Variants in RNF216 observed in about 807,000 individuals in gnomAD.
RNF216 encodes ring finger protein 216.
A neutral mutation model predicts 110.8 loss-of-function variants in RNF216; 72 were observed. The observed-to-expected ratio is 0.65, with a 90% confidence interval of 0.54 to 0.79. The LOEUF is 0.79. Among genes scored for constraint, RNF216 ranks in the 30% least tolerant of loss-of-function variants. The pLI is 0.00. For synonymous variants in RNF216, 495 were observed against 407.5 expected (o/e 1.21, Z -2.59); for missense variants, 1,342 against 1,141.2 (o/e 1.18, Z -2.54).
In RNF216 at chr7:5,741,589, G is replaced by A. The variant is rs1359947044; in HGVS notation, c.428C>T (p.Ser143Phe). The A allele has an allele frequency of 6.2e-7, 1 of 1,614,144 alleles. No homozygotes were observed. Among genetic ancestry groups the A allele is most frequent in the East Asian group, 2.2e-5 (1 of 44,870 alleles). The change falls in exon 4 of 17, where the codon TCT becomes TTT. Residue 143 changes from serine to phenylalanine, a missense_variant. Transcript: ENST00000389902. ...EFLDLGPPGISEFTKPSGQTE... is the reference protein window; with the variant it reads ...EFLDLGPPGIFEFTKPSGQTE... ...TTGGCCACTTGGCTTAGTGAATTCA[G>A]AGATTCCAGGAGGCCCAAGATCCAG...
At chr7:5,766,880 G>C (rs931862478) in intron 1 of RNF216, 8 of 152,230 alleles carry the variant, frequency 5.3e-5, no homozygotes, top group African/African-American at 1.9e-4. Flanking sequence ...TGTATGTTTA[G>C]AGACTGATAT....
At chr7:5,768,941 A>T (rs1391852782) in intron 1 of RNF216, among the ~76,000 whole-genome samples, 3 of 151,988 alleles carry the variant, frequency 2.0e-5, no homozygotes, top group Non-Finnish European at 2.9e-5. Flanking sequence ...GATTACAGGC[A>T]TGAGCCACTG....
In RNF216 at chr7:5,739,265, A is replaced by G. The variant is rs1794617082; in HGVS notation, c.1121+11T>C. 1 of 1,569,286 alleles carries G rather than the reference A, an allele frequency of 6.4e-7. No individual in the cohort carries two copies. The highest frequency in any genetic ancestry group is 1.4e-5 in the African/African-American group (1 of 72,880). On this transcript the variant is annotated intron_variant, in intron 5 of 16. Coordinates refer to ENST00000389902, the MANE Select transcript of RNF216 (RefSeq NM_207111.4). The stretch of plus-strand genomic sequence containing the variant: ...ACCACCACCACAAAAAAAGCATGGT[A>G]GTATACTTACACATTCAGATCATAA...
chr7:5,685,527 C>T (rs190014327), intron 13 of RNF216, among the ~76,000 whole-genome samples: 3 of 152,326 alleles, frequency 2.0e-5, no homozygotes, highest in Admixed American at 1.3e-4. Context: ...GCAAGCTACA[C>T]GGTGAACTAC....
rs1025041743 is a variant in RNF216, at chr7:5,622,663, T to C, written c.*197A>G. Reference sequence around the variant, plus strand: ...CGCAGCTCTCTCCGAACTCCACCATTTGGGACGTCTTTATTATGGATCCGT... The same window carrying C: ...CGCAGCTCTCTCCGAACTCCACCATCTGGGACGTCTTTATTATGGATCCGT... On this transcript the variant is annotated 3_prime_UTR_variant, in exon 17 of 17. Transcript: ENST00000389902. The C allele has an allele frequency of 6.8e-6, 4 of 587,166 alleles. No homozygotes were observed. The highest frequency in any genetic ancestry group is 1.9e-5 in the African/African-American group (1 of 53,930). The allele number at this position is 587,166 out of a possible 1,614,324, so 36.4% of individuals were successfully genotyped here.
intron 2 of RNF216, among the ~76,000 whole-genome samples, chr7:5,753,571 A>G (rs1795443980): frequency 6.6e-6 from 1 of 152,196 alleles, no homozygotes; most frequent in Non-Finnish European, 1.5e-5. Flanking sequence ...TAGTAATTCT[A>G]TTCAAGGTTT....
chr7:5,763,652 C>G (rs1475399951), intron 1 of RNF216, among the ~76,000 whole-genome samples: 1 of 152,188 alleles, frequency 6.6e-6, no homozygotes, highest in East Asian at 1.9e-4. Flanking sequence ...CTCACTACAG[C>G]CTTGAACCCC....
chr7:5,684,090 C>T (rs1487146060), intron 13 of RNF216, among the ~76,000 whole-genome samples: 4 of 134,740 alleles, frequency 3.0e-5, no homozygotes, highest in Non-Finnish European at 1.6e-5. Context: ...ACAAGCTGGG[C>T]CTTCTTTTTT....
rs852463 is a variant in RNF216 at position 5,647,332 on chromosome 7, T to C, written c.2159+5081A>G. On this transcript the variant is annotated intron_variant, in intron 14 of 16. Coordinates refer to ENST00000389902, the MANE Select transcript of RNF216 (RefSeq NM_207111.4). Reference sequence around the variant, plus strand: ...AAACCTTCATTTTCTTTCTTTCTTTTTTTTTTTTTTTTTTTTTTTGAGATA... The same window carrying C: ...AAACCTTCATTTTCTTTCTTTCTTTCTTTTTTTTTTTTTTTTTTTGAGATA... 1.6e-3 allele frequency among the ~76,000 whole-genome samples: 155 copies of C among 98,058 alleles called. 1 individual carries two copies. Among genetic ancestry groups the C allele is most frequent in the Middle Eastern group, 0.013 (3 of 232 alleles). 64.3% of individuals were successfully genotyped at this position (98,058 alleles called of 152,430 possible). A position where few individuals can be genotyped will look rare whatever the true frequency, so the allele number is the denominator to read the frequency against.
At chr7:5,748,649 CACACACACAT>C (rs931983022) in intron 3 of RNF216, among the ~76,000 whole-genome samples, 6 of 143,110 alleles carry the variant, frequency 4.2e-5, no homozygotes, top group South Asian at 4.4e-4. Context: ...CACACACACA[CACACACACAT>C]AATATACTAA....
chr7:5,702,367 C>T (rs7805164), intron 13 of RNF216, among the ~76,000 whole-genome samples: 7,647 of 152,212 alleles, frequency 0.05, 316 homozygotes, highest in African/African-American at 0.11. Flanking sequence ...ACTATTTCCA[C>T]AGGGCCAAGC....
At chr7:5,729,990 T>A (rs1457048658) in intron 6 of RNF216, among the ~76,000 whole-genome samples, 1 of 152,220 alleles carries the variant, frequency 6.6e-6, no homozygotes, top group Non-Finnish European at 1.5e-5. Context: ...CTTGACCATA[T>A]AACACACTAA....
intron 3 of RNF216, among the ~76,000 whole-genome samples, chr7:5,752,000 AG>A (rs1795356398): frequency 6.6e-6 from 1 of 152,042 alleles, no homozygotes; most frequent in African/African-American, 2.4e-5. Context: ...AGCCTGGCCA[AG>A]ATAGTTAAAC....
intron 13 of RNF216, among the ~76,000 whole-genome samples, chr7:5,691,146 C>T (rs778950222): frequency 2.6e-5 from 4 of 151,816 alleles, no homozygotes; most frequent in South Asian, 4.2e-4. Flanking sequence ...TGTGTGTAGA[C>T]GGTGAGCCTG....
chr7:5,699,921 TTTTAC>T (rs1791856529), intron 13 of RNF216, among the ~76,000 whole-genome samples: 1 of 152,228 alleles, frequency 6.6e-6, no homozygotes, highest in African/African-American at 2.4e-5. Flanking sequence ...ATAAAAGGCC[TTTTAC>T]GTTCTCAGCT....
chr7:5,657,379 C>G (rs151176747), intron 13 of RNF216, among the ~76,000 whole-genome samples: 2,670 of 152,188 alleles, frequency 0.018, 35 homozygotes, highest in Non-Finnish European at 0.028. Flanking sequence ...ACCAGCCTGA[C>G]CAACAGGGAG....
At chr7:5,735,264 T>C (rs1476274522) in intron 5 of RNF216, among the ~76,000 whole-genome samples, 1 of 152,068 alleles carries the variant, frequency 6.6e-6, no homozygotes, top group African/African-American at 2.4e-5. Flanking sequence ...AGCAATAATC[T>C]CTAAAGAAAC....
At chr7:5,728,851 T>C (rs1037775346) in intron 7 of RNF216, among the ~76,000 whole-genome samples, 2 of 152,200 alleles carry the variant, frequency 1.3e-5, no homozygotes, top group African/African-American at 4.8e-5. Flanking sequence ...TGCGCTCCTG[T>C]TCTGGCCACA....
chr7:5,645,036 C>T (rs565291743), intron 14 of RNF216, among the ~76,000 whole-genome samples: 8 of 151,982 alleles, frequency 5.3e-5, no homozygotes, highest in South Asian at 2.1e-4. Flanking sequence ...AGGGTCATCT[C>T]GAACTCCTGA....
Sources: gnomAD v4.1 joint callset for allele counts (sites outside exome capture counted in the v4.1 genomes callset) on GRCh38, gnomAD v4.1.1 for gene constraint, MANE v1.5 for transcripts, NCBI Gene and HGNC (gene_info 2026-07-23, HGNC 2026-07-21) for gene names.